Variants in TALDO1 observed in about 807,000 individuals in gnomAD.
The protein encoded by TALDO1 is transaldolase 1.
TALDO1 carries 29 observed loss-of-function variants against 38.1 expected under a neutral mutation model. The observed-to-expected ratio is 0.76, with a 90% confidence interval of 0.57 to 1.04. The LOEUF is 1.04. Among genes scored for constraint, TALDO1 ranks in the 50% least tolerant of loss-of-function variants. TALDO1 has a pLI of 0.00. For synonymous variants in TALDO1, 207 were observed against 176.8 expected (o/e 1.17, Z -1.36); for missense variants, 499 against 438.1 (o/e 1.14, Z -1.24).
Position 764,284 on chromosome 11 carries a change from C to A in TALDO1, c.836-4C>A, listed in dbSNP as rs1237120545. The A allele has an allele frequency of 6.2e-7, 1 of 1,614,012 alleles. No individual in the cohort carries two copies. The highest frequency in any genetic ancestry group is 1.3e-5 in the African/African-American group (1 of 74,922). On this transcript the variant is annotated splice_polypyrimidine_tract_variant and splice_region_variant and intron_variant, in intron 6 of 7. Transcript: ENST00000319006. ...GGCATGGAAGGCTGGTTCTTGTCCC[C>A]CAGCCCAAGCCAGTGACCTGGAAAA...
chr11:757,659 G>A (rs1862861069), intron 2 of TALDO1, among the ~76,000 whole-genome samples: 1 of 152,160 alleles, frequency 6.6e-6, no homozygotes, highest in African/African-American at 2.4e-5. Context: ...GGGCTAACAA[G>A]GCTGCTCAGA....
intron 1 of TALDO1, chr11:752,580 A>G (rs908195762): frequency 1.3e-5 from 2 of 152,198 alleles, no homozygotes; most frequent in Non-Finnish European, 2.9e-5. Context: ...TAGAGTCTCC[A>G]TAAAAGGCCC....
chr11:755,949 C>A lies in TALDO1; in HGVS notation c.168C>A (p.Pro56=), dbSNP rs2234021. 4 of 1,614,084 alleles carry A rather than the reference C, an allele frequency of 2.5e-6. No individual in the cohort carries two copies. The highest frequency in any genetic ancestry group is 3.4e-6 in the Non-Finnish European group (4 of 1,180,004). Residue 56 remains proline (P), a synonymous_variant, in exon 2 of 8, where the codon CCC becomes CCA. Coordinates refer to ENST00000319006, the MANE Select transcript of TALDO1 (RefSeq NM_006755.2). ...PSLILAAAQM[P]AYQELVEEAI... is the part of the protein sequence containing the mutation. ...TGATCCTGGCCGCAGCACAGATGCC[C>A]GCTTACCAGGAGCTGGTGGAGGAGG...
At chr11:758,583 T>A (rs2133576091) in intron 2 of TALDO1, among the ~76,000 whole-genome samples, 1 of 152,034 alleles carries the variant, frequency 6.6e-6, no homozygotes, top group Non-Finnish European at 1.5e-5. Flanking sequence ...TTGTAGAGTC[T>A]TGTGCACTTG....
At chr11:760,284 CAG>C (rs1862907381) in intron 4 of TALDO1, 31 bp downstream of exon 4, 2 of 1,612,138 alleles carry the variant, frequency 1.2e-6, no homozygotes, top group Non-Finnish European at 1.7e-6. Flanking sequence ...AAGGAGCTCT[CAG>C]AGATTTTTCC....
intron 1 of TALDO1, among the ~76,000 whole-genome samples, chr11:752,918 C>G (rs1418833232): frequency 1.3e-5 from 2 of 152,154 alleles, no homozygotes; most frequent in African/African-American, 4.8e-5. Flanking sequence ...AGCCTTCAAC[C>G]TGTGGGATCT....
chr11:764,216 G>C, intron 6 of TALDO1, 72 bp from the exon 7 acceptor site: 1 of 1,611,140 alleles, frequency 6.2e-7, no homozygotes, highest in African/African-American at 1.3e-5. Context: ...CAGCAGTTCA[G>C]GCCCTGAGCC....
chr11:762,211 G>A (rs924589068), intron 4 of TALDO1, among the ~76,000 whole-genome samples: 4 of 151,220 alleles, frequency 2.6e-5, no homozygotes, highest in African/African-American at 9.7e-5. Flanking sequence ...TGATCCGCCC[G>A]CCTCGGCCTC....
Position 759,057 on chromosome 11 carries a change from G to A in TALDO1, c.329G>A (p.Arg110Lys). The change falls in exon 3 of 8, where the codon AGG becomes AAG. Residue 110 changes from arginine (R) to lysine (K), a missense_variant and splice_region_variant. Arg to Lys is a conservative substitution (Grantham distance 26, BLOSUM62 2). Coordinates refer to ENST00000319006, the MANE Select transcript of TALDO1 (RefSeq NM_006755.2). Reference protein sequence around the residue: ...PGRVSTEVDARLSFDKDAMVA... With the variant: ...PGRVSTEVDAKLSFDKDAMVA... ...CGAGTATCCACAGAAGTAGACGCAA[G>A]GTAAGGATGCTTGCTCCTGCACTGG... 6.2e-7 allele frequency: 1 copy of A among 1,610,804 alleles called. No individual in the cohort carries two copies. The highest frequency in any genetic ancestry group is 1.1e-5 in the South Asian group (1 of 91,050).
intron 6 of TALDO1, 46 bp downstream of exon 6, chr11:763,990 GCACTGCCGTGCCA>G: frequency 1.9e-6 from 3 of 1,590,828 alleles, no homozygotes; most frequent in Non-Finnish European, 2.6e-6. Context: ...GGCAAGGCCA[GCACTGCCGTGCCA>G]CGCTGCCCTG....
chr11:755,739 G>A (rs1862824406), intron 1 of TALDO1, 140 bp from the exon 2 acceptor site: 2 of 1,211,148 alleles, frequency 1.7e-6, no homozygotes, highest in Non-Finnish European at 2.4e-6. Flanking sequence ...AGAAGAAGGT[G>A]TGAGAAGTGT....
Position 755,867 on chromosome 11 carries a change from C to G in TALDO1, c.98-12C>G. 1 of 1,614,160 alleles carries G rather than the reference C, an allele frequency of 6.2e-7. No homozygotes were observed. The highest frequency in any genetic ancestry group is 8.5e-7 in the Non-Finnish European group (1 of 1,180,028). ...CTCCACTTACTTTGGCTTTTGAAAA[C>G]TATTTCCCTAGCCATCGACGAGTAC... On this transcript the variant is annotated splice_polypyrimidine_tract_variant and intron_variant, in intron 1 of 7. Coordinates refer to ENST00000319006, the MANE Select transcript of TALDO1 (RefSeq NM_006755.2).
intron 1 of TALDO1, among the ~76,000 whole-genome samples, chr11:750,427 G>T (rs781108370): frequency 6.6e-6 from 1 of 151,974 alleles, no homozygotes; most frequent in Non-Finnish European, 1.5e-5. Context: ...GGTTGAGGCA[G>T]CAGTGAGCTG....
intron 1 of TALDO1, among the ~76,000 whole-genome samples, chr11:751,744 G>A (rs1428140393): frequency 1.3e-5 from 2 of 152,074 alleles, no homozygotes; most frequent in Non-Finnish European, 2.9e-5. Context: ...GCAGTGAGCC[G>A]GGATCACGCC....
chr11:764,474 T>C, intron 7 of TALDO1, 41 bp downstream of exon 7: 1 of 1,602,216 alleles, frequency 6.2e-7, no homozygotes. Context: ...CCAAGCCCTA[T>C]GAGAGCCCGG....
intron 1 of TALDO1, chr11:755,616 C>T: frequency 2.0e-6 from 1 of 509,758 alleles, no homozygotes; most frequent in Non-Finnish European, 3.6e-6. Context: ...ACCGCTCACT[C>T]CCATGCTGTT....
intron 4 of TALDO1, among the ~76,000 whole-genome samples, chr11:762,484 C>T (rs1010690771): frequency 6.6e-6 from 1 of 152,102 alleles, no homozygotes; most frequent in Non-Finnish European, 1.5e-5. Flanking sequence ...CAAGTTTTGT[C>T]CTGGACATGT....
chr11:757,937 G>T, intron 2 of TALDO1, among the ~76,000 whole-genome samples: 1 of 152,122 alleles, frequency 6.6e-6, no homozygotes, highest in East Asian at 1.9e-4. Context: ...AAGAGTTCGA[G>T]AACAGTCTAG....
chr11:749,708 G>A (rs1162817191), intron 1 of TALDO1, among the ~76,000 whole-genome samples: 1 of 152,128 alleles, frequency 6.6e-6, no homozygotes, highest in Non-Finnish European at 1.5e-5. Flanking sequence ...AATGGGCCTT[G>A]GTTTTGTTTT....
Sources: gnomAD v4.1 joint callset for allele counts (sites outside exome capture counted in the v4.1 genomes callset) on GRCh38, gnomAD v4.1.1 for gene constraint, MANE v1.5 for transcripts, NCBI Gene and HGNC (gene_info 2026-07-23, HGNC 2026-07-21) for gene names.